The following TAGLN2 variants were observed in gnomAD, a reference collection of about 807,000 sequenced individuals.
TAGLN2 encodes the protein transgelin 2.
Under a neutral mutation model 24.9 loss-of-function variants are expected in TAGLN2, and 14 were observed. That is an observed-to-expected ratio of 0.56 (90% CI 0.37 to 0.88). The LOEUF is 0.88. Among genes scored for constraint, TAGLN2 ranks in the 40% least tolerant of loss-of-function variants. The pLI, the probability that TAGLN2 is intolerant of heterozygous loss-of-function variation, is 0.00. For synonymous variants in TAGLN2, 77 were observed against 98.2 expected, an observed-to-expected ratio of 0.78 and a Z score of 1.28; for missense variants, 208 against 258.9, an observed-to-expected ratio of 0.80 and a Z score of 1.35.
chr1:159,919,513 C>T, intron 3 of TAGLN2, 137 bp from the exon 4 acceptor site: 1 of 1,309,306 alleles, frequency 7.6e-7, no homozygotes, highest in East Asian at 2.4e-5. Context: ...ATTCCAGCCT[C>T]CAATATGACC....
chr1:159,922,791 C>T (rs1650575757), intron 1 of TAGLN2, among the ~76,000 whole-genome samples: 1 of 152,222 alleles, frequency 6.6e-6, no homozygotes, highest in African/African-American at 2.4e-5. Context: ...TGAAGCCAGA[C>T]ACTTCCAGTG....
Position 159,918,796 on chromosome 1 carries a change from G to A in TAGLN2, c.*4C>T, listed in dbSNP as rs577289067. On this transcript the variant is annotated 3_prime_UTR_variant, in exon 5 of 5. Coordinates refer to ENST00000368097, the MANE Select transcript of TAGLN2 (RefSeq NM_003564.3). ...GGAGGGCAGGGGCAAGGCCTGGGGTGGGATCAGAGGATCTGGCGTGGCATC... is the reference window on the plus strand; with the variant it reads ...GGAGGGCAGGGGCAAGGCCTGGGGTAGGATCAGAGGATCTGGCGTGGCATC... The A allele has an allele frequency of 4.3e-6, 7 of 1,613,814 alleles. No individual in the cohort carries two copies. In the African/African-American group the frequency reaches 6.7e-5, roughly 15 times the overall value.
At position 159,920,537 on chromosome 1, in the gene TAGLN2, G is replaced by T; in HGVS notation, c.-28C>A. 3 of 1,612,658 alleles carry T rather than the reference G, an allele frequency of 1.9e-6. No individual in the cohort carries two copies. The South Asian group carries it at 3.3e-5, about 18-fold the overall frequency. On this transcript the variant is annotated splice_region_variant and 5_prime_UTR_variant, in exon 2 of 5. Transcript: ENST00000368097. ...CAATGGGTGGCGGTGGCTGCGGGGA[G>T]CTAGGGAGAGGACACACCCGGGCTT... is the stretch of plus-strand genomic sequence containing the variant.
chr1:159,925,116 C>T (rs1044864870), intron 1 of TAGLN2: 1 of 152,264 alleles, frequency 6.6e-6, no homozygotes, highest in Non-Finnish European at 1.5e-5. Context: ...CACTCGGGGC[C>T]AGCCAGCTAA....
At chr1:159,920,681 A>G in intron 1 of TAGLN2, 144 bp from the exon 2 acceptor site, 1 of 1,411,780 alleles carries the variant, frequency 7.1e-7, no homozygotes, top group Non-Finnish European at 9.4e-7. Flanking sequence ...ACCAAATGCA[A>G]CCCTGCTCTT....
rs1650595338 is a variant in TAGLN2 at position 159,923,340 on chromosome 1, A to AACCCTC, written c.-29+2104_-29+2109dup. 5.7e-6 allele frequency: 8 copies of AACCCTC among 1,403,052 alleles called. No individual in the cohort carries two copies. The South Asian group carries it at 6.5e-5, about 11-fold the overall frequency. 86.9% of individuals were successfully genotyped at this position (1,403,052 alleles called of 1,614,324 possible). On this transcript the variant is annotated intron_variant, in intron 1 of 4. Coordinates refer to ENST00000368097, the MANE Select transcript of TAGLN2 (RefSeq NM_003564.3). ...CTAGCGCTACTGCAGCTGTGAGAACAACCCTCACCCTCACCCTGGAGTTAC... is the reference window on the plus strand; with the variant it reads ...CTAGCGCTACTGCAGCTGTGAGAACAACCCTCACCCTCACCCTCACCCTGGAGTTAC...
chr1:159,921,997 C>G (rs553221909), intron 1 of TAGLN2, among the ~76,000 whole-genome samples: 5 of 152,386 alleles, frequency 3.3e-5, no homozygotes, highest in African/African-American at 1.2e-4. Context: ...ACCCCCAGGA[C>G]AGGCATCTGC....
At chr1:159,924,143 G>T (rs1650627601) in intron 1 of TAGLN2, among the ~76,000 whole-genome samples, 1 of 152,176 alleles carries the variant, frequency 6.6e-6, no homozygotes, top group African/African-American at 2.4e-5. Context: ...AGAAGGGATG[G>T]AATGAAGAAA....
At chr1:159,921,755 C>T (rs537304183) in intron 1 of TAGLN2, among the ~76,000 whole-genome samples, 19 of 152,312 alleles carry the variant, frequency 1.2e-4, no homozygotes, top group African/African-American at 3.9e-4. Flanking sequence ...GGTGGTTTCC[C>T]GACCAATGGC....
intron 1 of TAGLN2, 172 bp from the exon 2 acceptor site, chr1:159,920,709 G>A: frequency 2.3e-6 from 2 of 867,154 alleles, no homozygotes; most frequent in Non-Finnish European, 2.8e-6. Flanking sequence ...CTGGGAAAGA[G>A]AATGATTTGG....
chr1:159,919,483 T>C, intron 3 of TAGLN2, 107 bp from the exon 4 acceptor site: 1 of 1,362,560 alleles, frequency 7.3e-7, no homozygotes, highest in Non-Finnish European at 1.0e-6. Context: ...TTTCTACTGT[T>C]CATTTCCATA....
intron 1 of TAGLN2, among the ~76,000 whole-genome samples, chr1:159,922,418 C>T (rs750789633): frequency 6.6e-6 from 1 of 152,182 alleles, no homozygotes; most frequent in Non-Finnish European, 1.5e-5. Context: ...ACCCACAGCG[C>T]CAGGCACACA....
intron 1 of TAGLN2, chr1:159,923,615 C>A: frequency 1.3e-6 from 1 of 791,244 alleles, no homozygotes; most frequent in East Asian, 3.2e-5. Context: ...AAGAGCAGCA[C>A]AGTGAGGGCA....
Position 159,918,650 on chromosome 1 carries a change from C to A in TAGLN2, c.*150G>T, listed in dbSNP as rs1408310219. 1.0e-5 allele frequency: 11 copies of A among 1,103,634 alleles called. No individual in the cohort carries two copies. The highest frequency in any genetic ancestry group is 1.4e-5 in the Non-Finnish European group (11 of 771,888). The allele number at this position is 1,103,634 out of a possible 1,614,324, so 68.4% of individuals were successfully genotyped here. A position where few individuals can be genotyped will look rare whatever the true frequency, so the allele number is the denominator to read the frequency against. ...ATGGGGGAGAGGATGCCAGCAGGCACCTCAGAGGTGACAGGACAGGCTGAA... is the reference window on the plus strand; with the variant it reads ...ATGGGGGAGAGGATGCCAGCAGGCAACTCAGAGGTGACAGGACAGGCTGAA... On this transcript the variant is annotated 3_prime_UTR_variant, in exon 5 of 5. Transcript: ENST00000368097.
intron 3 of TAGLN2, 113 bp downstream of exon 3, chr1:159,919,548 A>T: frequency 7.2e-7 from 1 of 1,396,320 alleles, no homozygotes. Context: ...ACACAAACAC[A>T]CCCCTCTTTC....
At chr1:159,920,569 A>C in intron 1 of TAGLN2, 32 bp from the exon 2 acceptor site, 1 of 1,596,192 alleles carries the variant, frequency 6.3e-7, no homozygotes, top group Non-Finnish European at 8.6e-7. Flanking sequence ...GCTTTTGGTC[A>C]ACACCTTGCA....
chr1:159,920,239 G>A (rs749517702), intron 2 of TAGLN2, 91 bp downstream of exon 2: 1 of 1,599,358 alleles, frequency 6.3e-7, no homozygotes, highest in Non-Finnish European at 8.6e-7. Context: ...TGTGCCTTCA[G>A]TCTTCTCCTC....
At chr1:159,922,983 T>C (rs1485451554) in intron 1 of TAGLN2, among the ~76,000 whole-genome samples, 1 of 152,162 alleles carries the variant, frequency 6.6e-6, no homozygotes, top group Non-Finnish European at 1.5e-5. Context: ...AGCTCTGAGG[T>C]GCCAGAGCCA....
intron 1 of TAGLN2, among the ~76,000 whole-genome samples, chr1:159,924,177 G>C (rs1650629063): frequency 6.6e-6 from 1 of 152,294 alleles, no homozygotes; most frequent in Middle Eastern, 3.4e-3. Context: ...ATCCCGGGGT[G>C]GGGGACAGGG....
Sources: allele counts gnomAD v4.1 joint callset (sites outside exome capture counted in the v4.1 genomes callset), GRCh38; gene constraint gnomAD v4.1.1; transcripts MANE v1.5; gene names NCBI Gene and HGNC (gene_info 2026-07-23, HGNC 2026-07-21).